The following CADPS2 variants were observed in gnomAD, a reference collection of about 807,000 sequenced individuals.
CADPS2 encodes the protein calcium-dependent secretion activator 2.
A neutral mutation model predicts 172.5 loss-of-function variants in CADPS2; 93 were observed. The ratio of observed to expected loss-of-function variants is 0.54; its 90% CI spans 0.46 to 0.64. CADPS2 has a LOEUF of 0.64. Ranked by LOEUF, CADPS2 falls within the 30% of genes least tolerant of loss-of-function variation. The pLI, the probability that CADPS2 is intolerant of heterozygous loss-of-function variation, is 0.00. For missense variants in CADPS2, 1,420 were observed against 1,565.9 expected, an observed-to-expected ratio of 0.91 and a Z score of 1.57; for synonymous variants, 546 against 555.2, an observed-to-expected ratio of 0.98 and a Z score of 0.23.
intron 1 of CADPS2, among the ~76,000 whole-genome samples, chr7:122,761,397 G>A (rs1200948534): frequency 7.0e-6 from 1 of 142,274 alleles, no homozygotes; most frequent in Non-Finnish European, 1.5e-5. Context: ...TGCTCACAAA[G>A]TAATGCCAGA....
intron 2 of CADPS2, among the ~76,000 whole-genome samples, chr7:122,725,161 C>T (rs577947953): frequency 6.6e-6 from 1 of 151,948 alleles, no homozygotes; most frequent in Non-Finnish European, 1.5e-5. Context: ...ACTGCTAGTA[C>T]TACTGTACTT....
intron 2 of CADPS2, among the ~76,000 whole-genome samples, chr7:122,732,097 A>G (rs1562882383): frequency 6.6e-6 from 1 of 151,716 alleles, no homozygotes; most frequent in Non-Finnish European, 1.5e-5. Context: ...ACTAACATAT[A>G]CACACAAAGA....
intron 11 of CADPS2, among the ~76,000 whole-genome samples, chr7:122,487,597 A>T (rs1234530541): frequency 6.6e-6 from 1 of 152,228 alleles, no homozygotes; most frequent in Non-Finnish European, 1.5e-5. Flanking sequence ...AAAATATAAG[A>T]TGCAATAGCA....
chr7:122,793,515 G>A lies in CADPS2; in HGVS notation c.340-56447C>T, dbSNP rs539078717. 3.9e-5 allele frequency among the ~76,000 whole-genome samples: 6 copies of A among 152,230 alleles called. No homozygotes were observed. In the East Asian group the frequency reaches 5.8e-4, roughly 15 times the overall value. On this transcript the variant is annotated intron_variant, in intron 1 of 29. Transcript: ENST00000449022. ...CTCCATCCTTTTATTTTGAGCTTAT[G>A]TGTGTCACTGCATGTGAGATGGGTC... is the stretch of plus-strand genomic sequence containing the variant.
At chr7:122,834,769 G>C (rs1807794131) in intron 1 of CADPS2, among the ~76,000 whole-genome samples, 1 of 152,308 alleles carries the variant, frequency 6.6e-6, no homozygotes, top group Admixed American at 6.5e-5. Flanking sequence ...GGCTCGAGTA[G>C]GTAAACAAAG....
chr7:122,870,954 G>T (rs73718044), intron 1 of CADPS2, among the ~76,000 whole-genome samples: 2,436 of 152,054 alleles, frequency 0.016, 63 homozygotes, highest in African/African-American at 0.055. Context: ...TATAGTCCAG[G>T]TCAGACACTG....
intron 15 of CADPS2, among the ~76,000 whole-genome samples, chr7:122,443,855 G>A (rs973595138): frequency 2.0e-5 from 3 of 151,532 alleles, no homozygotes; most frequent in East Asian, 1.9e-4. Context: ...TTTCCACTAC[G>A]GAAGAGAAGT....
At chr7:122,396,860 CTA>C (rs2045208924) in intron 20 of CADPS2, among the ~76,000 whole-genome samples, 1 of 152,310 alleles carries the variant, frequency 6.6e-6, no homozygotes, top group African/African-American at 2.4e-5. Context: ...AAGGCAGGAA[CTA>C]TGTCTGTATT....
intron 14 of CADPS2, among the ~76,000 whole-genome samples, chr7:122,468,238 G>A (rs2055420631): frequency 6.6e-6 from 1 of 152,158 alleles, no homozygotes; most frequent in African/African-American, 2.4e-5. Flanking sequence ...ACGACTCTTT[G>A]AATATGTGTC....
intron 1 of CADPS2, among the ~76,000 whole-genome samples, chr7:122,807,785 G>C (rs1208118512): frequency 6.6e-6 from 1 of 152,042 alleles, no homozygotes; most frequent in South Asian, 2.1e-4. Context: ...GGGCATTGGG[G>C]GAAGGTGGTC....
At chr7:122,452,831 A>C (rs2053297402) in intron 14 of CADPS2, among the ~76,000 whole-genome samples, 1 of 152,236 alleles carries the variant, frequency 6.6e-6, no homozygotes, top group African/African-American at 2.4e-5. Context: ...ATAAATGCTT[A>C]AAATAACTTT....
intron 1 of CADPS2, among the ~76,000 whole-genome samples, chr7:122,834,206 A>C (rs1184222721): frequency 6.6e-6 from 1 of 152,216 alleles, no homozygotes; most frequent in African/African-American, 2.4e-5. Flanking sequence ...AAAATAGCAA[A>C]CTTCAATGGA....
chr7:122,418,727 G>A (rs1167360264), intron 17 of CADPS2, among the ~76,000 whole-genome samples: 1 of 152,128 alleles, frequency 6.6e-6, no homozygotes, highest in Non-Finnish European at 1.5e-5. Flanking sequence ...AGAGGAGTAT[G>A]ACTCTGAGGT....
At chr7:122,625,783 C>A (rs1400980237) in intron 4 of CADPS2, among the ~76,000 whole-genome samples, 4 of 151,472 alleles carry the variant, frequency 2.6e-5, no homozygotes, top group Non-Finnish European at 5.9e-5. Context: ...CCCTGCCCTC[C>A]CACACACACA....
intron 1 of CADPS2, among the ~76,000 whole-genome samples, chr7:122,794,796 G>GCATAATCAA (rs1796019742): frequency 6.7e-6 from 1 of 150,348 alleles, no homozygotes; most frequent in Non-Finnish European, 1.5e-5. Flanking sequence ...TAATCAAATT[G>GCATAATCAA]GAAATCAAGA....
At chr7:122,465,912 C>T (rs756342295) in intron 14 of CADPS2, among the ~76,000 whole-genome samples, 13 of 152,254 alleles carry the variant, frequency 8.5e-5, no homozygotes, top group Non-Finnish European at 1.8e-4. Context: ...AAATATCAAA[C>T]TGGGACGGCA....
At chr7:122,358,102 T>C (rs2039655325) in intron 27 of CADPS2, among the ~76,000 whole-genome samples, 1 of 152,044 alleles carries the variant, frequency 6.6e-6, no homozygotes, top group African/African-American at 2.4e-5. Flanking sequence ...TGAATGAGAG[T>C]TCCTGTTGCT....
chr7:122,361,152 T>A, intron 25 of CADPS2, 139 bp from the exon 26 acceptor site: 1 of 662,102 alleles, frequency 1.5e-6, no homozygotes, highest in Non-Finnish European at 2.6e-6. Flanking sequence ...CAGACTAACT[T>A]GTGATGTTTA....
chr7:122,585,889 T>C (rs2069595310), intron 6 of CADPS2: 1 of 152,000 alleles, frequency 6.6e-6, no homozygotes, highest in African/African-American at 2.4e-5. Flanking sequence ...GGAGCCAAAA[T>C]ACATGTTCAT....
Sources: allele counts gnomAD v4.1 joint callset (sites outside exome capture counted in the v4.1 genomes callset), GRCh38; gene constraint gnomAD v4.1.1; transcripts MANE v1.5; gene names NCBI Gene and HGNC (gene_info 2026-07-23, HGNC 2026-07-21).